Variants in GRIN2B observed in about 807,000 individuals in gnomAD.
GRIN2B encodes the protein glutamate ionotropic receptor NMDA type subunit 2B.
A neutral mutation model predicts 114.5 loss-of-function variants in GRIN2B; 5 were observed. That is an observed-to-expected ratio of 0.04 (90% CI 0.02 to 0.09). GRIN2B has a LOEUF of 0.09. Among genes scored for constraint, GRIN2B ranks in the 10% least tolerant of loss-of-function variants. GRIN2B has a pLI of 1.00. For synonymous variants in GRIN2B, 787 were observed against 745.1 expected, an observed-to-expected ratio of 1.06 and a Z score of -0.92; for missense variants, 1,108 against 1,943.5, an observed-to-expected ratio of 0.57 and a Z score of 8.08.
chr12:13,637,597 A>C (rs1420116921), intron 5 of GRIN2B, among the ~76,000 whole-genome samples: 1 of 152,170 alleles, frequency 6.6e-6, no homozygotes, highest in African/African-American at 2.4e-5. Context: ...TCCATGGAGT[A>C]GTCAGAATTC....
chr12:13,822,439 T>C (rs1864956930), intron 3 of GRIN2B, among the ~76,000 whole-genome samples: 1 of 152,150 alleles, frequency 6.6e-6, no homozygotes, highest in South Asian at 2.1e-4. Flanking sequence ...AAAAACAGTC[T>C]ATGCATTTAC....
Position 13,703,894 on chromosome 12 carries a change from C to CATG in GRIN2B, c.1011-28038_1011-28036dup, listed in dbSNP as rs199616762. Among the ~76,000 whole-genome samples the CATG allele has an allele frequency of 2.4e-4, 36 of 152,266 alleles. No homozygotes were observed. The East Asian group carries it at 5.8e-3, about 25-fold the overall frequency. On this transcript the variant is annotated intron_variant, in intron 4 of 13. Transcript: ENST00000609686. ...ACATAGTCACTTTCACTCACAATGA[C>CATG]ATGCAGATTCAAACTCAACTCATAC...
At chr12:13,760,832 C>T (rs1863665395) in intron 3 of GRIN2B, among the ~76,000 whole-genome samples, 1 of 152,190 alleles carries the variant, frequency 6.6e-6, no homozygotes, top group Non-Finnish European at 1.5e-5. Context: ...AAATACTTTC[C>T]TCTACTCACC....
rs1390506695 is a variant in GRIN2B, at chr12:13,543,589, A to C, written c.*19194T>G. 1 of 152,174 alleles carries C rather than the reference A, an allele frequency of 6.6e-6. No individual in the cohort carries two copies. The highest frequency in any genetic ancestry group is 2.4e-5 in the African/African-American group (1 of 41,430). 9.4% of individuals were successfully genotyped at this position (152,174 alleles called of 1,614,324 possible). Reference sequence around the variant, plus strand: ...TGACTGAAGAAAACAAATTTCTTTAAACTCATAATCATAAAAACTCAAATA... The same window carrying C: ...TGACTGAAGAAAACAAATTTCTTTACACTCATAATCATAAAAACTCAAATA... On this transcript the variant is annotated 3_prime_UTR_variant, in exon 14 of 14. Coordinates refer to ENST00000609686, the MANE Select transcript of GRIN2B (RefSeq NM_000834.5).
intron 2 of GRIN2B, among the ~76,000 whole-genome samples, chr12:13,910,512 G>C (rs963973218): frequency 1.3e-5 from 2 of 152,146 alleles, no homozygotes; most frequent in African/African-American, 4.8e-5. Context: ...ATCCTTTGAC[G>C]CAAGTCCTCC....
chr12:13,675,282 C>T (rs1950062185), intron 5 of GRIN2B, among the ~76,000 whole-genome samples: 1 of 152,080 alleles, frequency 6.6e-6, no homozygotes, highest in Non-Finnish European at 1.5e-5. Context: ...GAATTTCAAA[C>T]ACTGTGATCA....
At chr12:13,867,582 T>A (rs998357771) in intron 2 of GRIN2B, among the ~76,000 whole-genome samples, 85 of 152,340 alleles carry the variant, frequency 5.6e-4, no homozygotes, top group African/African-American at 1.8e-3. Flanking sequence ...ATTGTACATC[T>A]TTTATATGCT....
At chr12:13,709,987 T>C (rs2136579094) in intron 4 of GRIN2B, among the ~76,000 whole-genome samples, 1 of 152,090 alleles carries the variant, frequency 6.6e-6, no homozygotes, top group Middle Eastern at 3.4e-3. Context: ...GTTCAGAGCA[T>C]TTTTATTCAC....
intron 3 of GRIN2B, among the ~76,000 whole-genome samples, chr12:13,763,469 C>G (rs1863719356): frequency 6.6e-6 from 1 of 152,192 alleles, no homozygotes; most frequent in Non-Finnish European, 1.5e-5. Flanking sequence ...GAGCCTCCAA[C>G]TACATTGGAC....
intron 3 of GRIN2B, among the ~76,000 whole-genome samples, chr12:13,858,422 CA>C (rs1388237052): frequency 6.6e-6 from 1 of 152,050 alleles, no homozygotes; most frequent in African/African-American, 2.4e-5. Flanking sequence ...ACTACAGAAT[CA>C]AAATACAATT....
At chr12:13,659,433 C>G (rs1047543144) in intron 5 of GRIN2B, among the ~76,000 whole-genome samples, 4 of 152,298 alleles carry the variant, frequency 2.6e-5, no homozygotes, top group African/African-American at 4.8e-5. Context: ...AGTTCCTACA[C>G]CCCATCACAG....
At chr12:13,959,743 GT>G (rs2136859660) in intron 2 of GRIN2B, among the ~76,000 whole-genome samples, 1 of 149,092 alleles carries the variant, frequency 6.7e-6, no homozygotes, top group South Asian at 2.2e-4. Flanking sequence ...GAGAGGAACA[GT>G]GGGTTTCTTT....
At chr12:13,967,929 C>T (rs1867814903) in intron 2 of GRIN2B, among the ~76,000 whole-genome samples, 2 of 152,218 alleles carry the variant, frequency 1.3e-5, no homozygotes, top group Non-Finnish European at 2.9e-5. Flanking sequence ...CCTGTGTCAC[C>T]ATCTCCATCT....
intron 2 of GRIN2B, among the ~76,000 whole-genome samples, chr12:13,974,207 A>T (rs1434350388): frequency 6.6e-6 from 1 of 152,150 alleles, no homozygotes; most frequent in Non-Finnish European, 1.5e-5. Flanking sequence ...TTCCCTTTGG[A>T]CACAAACCAA....
chr12:13,611,840 G>A lies in GRIN2B; in HGVS notation c.1665C>T (p.Ser555=), dbSNP rs1805482. Residue 555 remains serine, a synonymous_variant, in exon 9 of 14, where the codon AGC becomes AGT. Coordinates refer to ENST00000609686, the MANE Select transcript of GRIN2B (RefSeq NM_000834.5). ...CAAACATCATCACCCATACGTCAGC[G>A]CTGAATGGCTCTGAGGAAGGGAAAA... ...VSPSAFLEPF[S]ADVWVMMFVM... is the part of the protein sequence containing the mutation. 0.31 allele frequency: 492,018 copies of A among 1,612,232 alleles called. 80,193 individuals are homozygous for A. The highest frequency in any genetic ancestry group is 0.38 in the Admixed American group (22,809 of 60,010).
rs1322126416 is a variant in GRIN2B, at chr12:13,549,985, C to T, written c.*12798G>A. The T allele has an allele frequency of 6.6e-6, 1 of 152,124 alleles. No individual in the cohort carries two copies. The highest frequency in any genetic ancestry group is 2.4e-5 in the African/African-American group (1 of 41,432). The allele number at this position is 152,124 out of a possible 1,614,324, so 9.4% of individuals were successfully genotyped here. The stretch of plus-strand genomic sequence containing the variant: ...CTACAGTGGGGGCAGACAATTCAGG[C>T]AGCATTACTCGCTGAGCTAGACTGA... On this transcript the variant is annotated 3_prime_UTR_variant, in exon 14 of 14. Coordinates refer to ENST00000609686, the MANE Select transcript of GRIN2B (RefSeq NM_000834.5).
At chr12:13,566,141 A>G (rs987053910) in intron 13 of GRIN2B, among the ~76,000 whole-genome samples, 3 of 152,234 alleles carry the variant, frequency 2.0e-5, no homozygotes, top group Non-Finnish European at 4.4e-5. Flanking sequence ...CAGAAAGGAC[A>G]CGGAGAAATT....
At chr12:13,578,502 C>T (rs1400528435) in intron 10 of GRIN2B, among the ~76,000 whole-genome samples, 1 of 152,174 alleles carries the variant, frequency 6.6e-6, no homozygotes, top group Non-Finnish European at 1.5e-5. Flanking sequence ...CCATTCCAGT[C>T]AGAGCCAGGC....
At chr12:13,937,763 A>G (rs1170056035) in intron 2 of GRIN2B, among the ~76,000 whole-genome samples, 1 of 152,126 alleles carries the variant, frequency 6.6e-6, no homozygotes, top group Non-Finnish European at 1.5e-5. Flanking sequence ...GACAAAAATG[A>G]TTATAAGGTG....
Sources: allele counts gnomAD v4.1 joint callset (sites outside exome capture counted in the v4.1 genomes callset), GRCh38; gene constraint gnomAD v4.1.1; transcripts MANE v1.5; gene names NCBI Gene and HGNC (gene_info 2026-07-23, HGNC 2026-07-21).